LRRTM4: variants seen among roughly 807,000 people sequenced by gnomAD.
LRRTM4 encodes leucine rich repeat transmembrane neuronal 4, also known as leucine-rich repeat transmembrane neuronal protein 4.
In LRRTM4, 25 loss-of-function variants were observed where a neutral mutation model predicts 47.6. The ratio of observed to expected loss-of-function variants is 0.53; its 90% CI spans 0.38 to 0.73. LRRTM4 has a LOEUF of 0.73. Among genes scored for constraint, LRRTM4 ranks in the 30% least tolerant of loss-of-function variants. LRRTM4 has a pLI of 0.00. For missense variants in LRRTM4, 638 were observed against 713.4 expected (o/e 0.89, Z 1.20); for synonymous variants, 311 against 269.5 (o/e 1.15, Z -1.51).
chr2:76,900,390 T>C (rs2103742055), intron 3 of LRRTM4, among the ~76,000 whole-genome samples: 1 of 144,280 alleles, frequency 6.9e-6, no homozygotes, highest in East Asian at 2.3e-4. Flanking sequence ...CAAAACTTCA[T>C]ATTATTTCAT....
rs545345509 is a variant in LRRTM4, at chr2:77,100,478, G to T, written c.1552-351562C>A. 1.6e-4 allele frequency among the ~76,000 whole-genome samples: 25 copies of T among 152,242 alleles called. No individual in the cohort carries two copies. The South Asian group carries it at 4.1e-3, about 25-fold the overall frequency. Reference sequence around the variant, plus strand: ...TTACAGGAAACACCAATGATAGAAGGTTGGGTTAAACTTCACCACAAGGAA... The same window carrying T: ...TTACAGGAAACACCAATGATAGAAGTTTGGGTTAAACTTCACCACAAGGAA... On this transcript the variant is annotated intron_variant, in intron 3 of 3. Transcript: ENST00000409884.
chr2:76,787,283 G>A (rs1674726496), intron 3 of LRRTM4, among the ~76,000 whole-genome samples: 1 of 152,112 alleles, frequency 6.6e-6, no homozygotes, highest in Non-Finnish European at 1.5e-5. Context: ...GGCATAAGGA[G>A]ATTTGGATTT....
chr2:76,849,783 A>C (rs535255517), intron 3 of LRRTM4, among the ~76,000 whole-genome samples: 1 of 152,302 alleles, frequency 6.6e-6, no homozygotes, highest in East Asian at 1.9e-4. Context: ...GGTTTCTCAT[A>C]GTATTTAATA....
intron 3 of LRRTM4, among the ~76,000 whole-genome samples, chr2:76,919,234 G>C (rs1426292635): frequency 6.6e-6 from 1 of 152,170 alleles, no homozygotes; most frequent in East Asian, 1.9e-4. Context: ...ACCTTTGTGA[G>C]TCAACTCAGC....
chr2:77,016,709 G>A (rs1678084284), intron 3 of LRRTM4, among the ~76,000 whole-genome samples: 2 of 152,060 alleles, frequency 1.3e-5, no homozygotes, highest in Admixed American at 1.3e-4. Context: ...AATGATAAAT[G>A]GAGGCCTTGA....
intron 3 of LRRTM4, among the ~76,000 whole-genome samples, chr2:77,085,853 C>G (rs1680692645): frequency 6.6e-6 from 1 of 152,150 alleles, no homozygotes. Flanking sequence ...TAAGTATTCT[C>G]AGTTCCTAAA....
At chr2:76,949,477 G>A (rs1675430998) in intron 3 of LRRTM4, among the ~76,000 whole-genome samples, 1 of 151,828 alleles carries the variant, frequency 6.6e-6, no homozygotes, top group South Asian at 2.1e-4. Context: ...AATTTATTCT[G>A]CTTGAATAGT....
intron 3 of LRRTM4, among the ~76,000 whole-genome samples, chr2:76,949,876 T>G (rs1265273800): frequency 6.6e-6 from 1 of 151,916 alleles, no homozygotes; most frequent in Non-Finnish European, 1.5e-5. Context: ...GCATTATAAT[T>G]GACTGGTCAA....
intron 3 of LRRTM4, among the ~76,000 whole-genome samples, chr2:76,842,987 T>C (rs1386006268): frequency 1.3e-5 from 2 of 152,242 alleles, no homozygotes; most frequent in Non-Finnish European, 2.9e-5. Flanking sequence ...GAGAAATTTA[T>C]GTTTCTTGAA....
intron 3 of LRRTM4, among the ~76,000 whole-genome samples, chr2:76,950,612 T>C (rs2103884965): frequency 1.3e-5 from 2 of 152,024 alleles, no homozygotes; most frequent in East Asian, 3.9e-4. Context: ...CTATAAGAAT[T>C]TGCTGCTCAA....
intron 3 of LRRTM4, among the ~76,000 whole-genome samples, chr2:77,054,082 G>A (rs554493680): frequency 1.4e-4 from 22 of 152,102 alleles, no homozygotes; most frequent in African/African-American, 5.1e-4. Context: ...CTAGTTTCAA[G>A]ATATTGTCTC....
At chr2:77,196,660 A>G (rs6758605) in intron 3 of LRRTM4, among the ~76,000 whole-genome samples, 30,171 of 152,068 alleles carry the variant, frequency 0.2, 5,769 homozygotes, top group African/African-American at 0.49. Context: ...AGAATCCTTT[A>G]AATCCAGGAG....
intron 3 of LRRTM4, among the ~76,000 whole-genome samples, chr2:76,919,996 T>C (rs1276937857): frequency 6.6e-6 from 1 of 152,116 alleles, no homozygotes; most frequent in African/African-American, 2.4e-5. Flanking sequence ...TTACTTCCAA[T>C]TAAGCTAGCC....
intron 3 of LRRTM4, among the ~76,000 whole-genome samples, chr2:77,473,153 C>A (rs1677255084): frequency 6.6e-6 from 1 of 152,040 alleles, no homozygotes; most frequent in Non-Finnish European, 1.5e-5. Flanking sequence ...TAAACATTAT[C>A]TTCCCTGCCC....
intron 3 of LRRTM4, among the ~76,000 whole-genome samples, chr2:76,914,490 TTTTG>T (rs1421587715): frequency 5.3e-5 from 8 of 152,244 alleles, no homozygotes; most frequent in African/African-American, 1.7e-4. Context: ...TGAGTGCATA[TTTTG>T]TTTATGTAAT....
intron 3 of LRRTM4, among the ~76,000 whole-genome samples, chr2:77,008,270 T>G (rs13384774): frequency 0.13 from 19,564 of 152,170 alleles, 3,262 homozygotes; most frequent in African/African-American, 0.38. Context: ...CATTTAGGTT[T>G]ACATCTTAAG....
intron 3 of LRRTM4, among the ~76,000 whole-genome samples, chr2:76,755,533 C>T (rs1417875141): frequency 6.6e-6 from 1 of 152,016 alleles, no homozygotes; most frequent in African/African-American, 2.4e-5. Flanking sequence ...GGACAATATA[C>T]TAAACAAAAA....
At chr2:77,277,086 G>A (rs1433640344) in intron 3 of LRRTM4, among the ~76,000 whole-genome samples, 2 of 151,754 alleles carry the variant, frequency 1.3e-5, no homozygotes. Flanking sequence ...GTATATGTCA[G>A]GGCAGAGGGA....
chr2:77,305,294 A>C (rs1020538152), intron 3 of LRRTM4, among the ~76,000 whole-genome samples: 1 of 152,010 alleles, frequency 6.6e-6, no homozygotes, highest in African/African-American at 2.4e-5. Flanking sequence ...ATACGCTGTA[A>C]TTTTTAATTT....
Sources: gnomAD v4.1 joint callset for allele counts (sites outside exome capture counted in the v4.1 genomes callset) on GRCh38, gnomAD v4.1.1 for gene constraint, MANE v1.5 for transcripts, NCBI Gene and HGNC (gene_info 2026-07-23, HGNC 2026-07-21) for gene names.